Variants in NKX3-2 observed in about 807,000 individuals in gnomAD.
NKX3-2 encodes the protein homeobox protein Nkx-3.2.
NKX3-2 carries 13 observed loss-of-function variants against 19.4 expected under a neutral mutation model. The ratio of observed to expected loss-of-function variants is 0.67; its 90% CI spans 0.44 to 1.07. The LOEUF is 1.07. Among genes scored for constraint, NKX3-2 ranks in the 50% least tolerant of loss-of-function variants. The probability of loss-of-function intolerance (pLI) is 0.00; values close to 1 mark genes in which losing one functional copy is unlikely to be tolerated. For missense variants in NKX3-2, 562 were observed against 488.2 expected, an observed-to-expected ratio of 1.15 and a Z score of -1.42; for synonymous variants, 269 against 230.5, an observed-to-expected ratio of 1.17 and a Z score of -1.51.
Position 13,541,845 on chromosome 4 carries a change from A to T in NKX3-2, c.*148T>A. 5 of 1,251,084 alleles carry T rather than the reference A, an allele frequency of 4.0e-6. No homozygotes were observed. The highest frequency in any genetic ancestry group is 5.5e-6 in the Non-Finnish European group (5 of 907,556). 77.5% of individuals were successfully genotyped at this position (1,251,084 alleles called of 1,614,324 possible). A position where few individuals can be genotyped will look rare whatever the true frequency, so the allele number is the denominator to read the frequency against. On this transcript the variant is annotated 3_prime_UTR_variant, in exon 2 of 2. Coordinates refer to ENST00000382438, the MANE Select transcript of NKX3-2 (RefSeq NM_001189.4). ...GCAGACTCAGCCCAGCTGCCAGGGG[A>T]CAAGTCCTGGCTAACGGGAGCTGGA...
chr4:13,547,433 C>G (rs573023662), upstream of NKX3-2: 11 of 316,232 alleles, frequency 3.5e-5, no homozygotes, highest in African/African-American at 2.6e-4. Flanking sequence ...GCGGCCCGGC[C>G]GGGCGGCCGG....
chr4:13,545,517 GTTAA>G (rs1233774204), upstream of NKX3-2, among the ~76,000 whole-genome samples: 7 of 152,128 alleles, frequency 4.6e-5, no homozygotes, highest in East Asian at 1.9e-4. Context: ...GAAATGATCA[GTTAA>G]TTAAGATCAC....
In NKX3-2 at chr4:13,540,920, G is replaced by A. The variant is rs1717968259; in HGVS notation, c.*1073C>T. ...AAATCTTTTTACAGTTAATACTCTA[G>A]TTGAGTGCACAGTGCCATTAAGGAG... On this transcript the variant is annotated 3_prime_UTR_variant, in exon 2 of 2. Coordinates refer to ENST00000382438, the MANE Select transcript of NKX3-2 (RefSeq NM_001189.4). 1 of 152,346 alleles carries A rather than the reference G, an allele frequency of 6.6e-6. No individual in the cohort carries two copies. The highest frequency in any genetic ancestry group is 2.1e-4 in the South Asian group (1 of 4,826). 9.4% of individuals were successfully genotyped at this position (152,346 alleles called of 1,614,324 possible).
In NKX3-2 at chr4:13,543,854, C is replaced by T; in HGVS notation, c.466+95G>A. The T allele has an allele frequency of 8.7e-7, 1 of 1,148,372 alleles. No individual in the cohort carries two copies. Among genetic ancestry groups the T allele is most frequent in the Non-Finnish European group, 1.2e-6 (1 of 848,276 alleles). 71.1% of individuals were successfully genotyped at this position (1,148,372 alleles called of 1,614,324 possible). On this transcript the variant is annotated intron_variant, in intron 1 of 1. Coordinates refer to ENST00000382438, the MANE Select transcript of NKX3-2 (RefSeq NM_001189.4). The surrounding 1 kb of genome is among the most constrained non-coding windows in gnomAD (Gnocchi z 7.1). Reference sequence around the variant, plus strand: ...TTTGGCCAGCCTCCGAGCCCCAGGGCGCAGGGTGCTCAAGCCGACCACCCC... The same window carrying T: ...TTTGGCCAGCCTCCGAGCCCCAGGGTGCAGGGTGCTCAAGCCGACCACCCC...
At chr4:13,546,746 C>T (rs755260966), upstream of NKX3-2, 15 of 366,648 alleles carry the variant, frequency 4.1e-5, no homozygotes, top group Non-Finnish European at 7.1e-5. Flanking sequence ...TACGTAAAGA[C>T]TTGCTTGAAA....
In NKX3-2 at chr4:13,542,379, T is replaced by C; in HGVS notation, c.616A>G (p.Lys206Glu). The C allele has an allele frequency of 6.6e-7, 1 of 1,514,612 alleles. No homozygotes were observed. Among genetic ancestry groups the C allele is most frequent in the Non-Finnish European group, 8.8e-7 (1 of 1,136,694 alleles). The allele number at this position is 1,514,612 out of a possible 1,614,324, so 93.8% of individuals were successfully genotyped here. The change falls in exon 2 of 2, where the codon AAG (lysine) becomes GAG (glutamate). Residue 206 changes from lysine (K) to glutamate (E), a missense_variant. Physicochemically the swap from Lys to Glu is moderately conservative, Grantham distance 56 (BLOSUM62 1). Coordinates refer to ENST00000382438, the MANE Select transcript of NKX3-2 (RefSeq NM_001189.4). This position sits in a 1 kb window ranked among gnomAD's most constrained non-coding sequence, Gnocchi z 6.4. Reference sequence around the variant, plus strand: ...GAGAAAGCGGCCCGCGAGCGCTTCTTGCGTGGCTTGGGCGCCGCCGGCTCC... The same window carrying C: ...GAGAAAGCGGCCCGCGAGCGCTTCTCGCGTGGCTTGGGCGCCGCCGGCTCC... ...EEEPAAPKPR[K>E]KRSRAAFSHA...
At position 13,544,077 on chromosome 4, in the gene NKX3-2, GC is replaced by G. The variant is rs606231352; in HGVS notation, c.337del (p.Ala113ProfsTer11). On this transcript the variant is annotated frameshift_variant, in exon 1 of 2. Coordinates refer to ENST00000382438, the MANE Select transcript of NKX3-2 (RefSeq NM_001189.4). LOFTEE classifies it high-confidence loss of function. Reference protein sequence around the residue: ...SRRRCADARGASGAGLAGGSL... With the variant: ...SRRRCADARGXSGAGLAGGSL... ...TCCCCCCGCAAGGCCGGCCCCGCTG[GC>G]CCCCCGCGCGTCCGCGCAGCGCCGC... 1.3e-6 allele frequency: 2 copies of G among 1,580,116 alleles called. No homozygotes were observed. Among genetic ancestry groups the G allele is most frequent in the African/African-American group, 1.4e-5 (1 of 73,096 alleles).
Position 13,543,932 on chromosome 4 carries a change from G to T in NKX3-2, c.466+17C>A. On this transcript the variant is annotated intron_variant, in intron 1 of 1. Transcript: ENST00000382438. This position sits in a 1 kb window ranked among gnomAD's most constrained non-coding sequence, Gnocchi z 7.1. ...TCCCCTCAGCCCGGCCCCCATCCCC[G>T]CGAAGCCGCAGCAGACCTGAGACGC... 1.3e-6 allele frequency: 2 copies of T among 1,531,788 alleles called. No homozygotes were observed. 94.9% of individuals were successfully genotyped at this position (1,531,788 alleles called of 1,614,324 possible). A position where few individuals can be genotyped will look rare whatever the true frequency, so the allele number is the denominator to read the frequency against.
In NKX3-2 at chr4:13,542,423, C is replaced by T. The variant is rs1460035265; in HGVS notation, c.572G>A (p.Gly191Asp). ...CGGCTCCTCCTCCTCCTCCGCGACG[C>T]CTGCCGGCCCGCTGCCGCCCCCGCC... is the stretch of plus-strand genomic sequence containing the variant. ...AGGGGGSGPAGVAEEEEEPAA... is the reference protein window; with the variant it reads ...AGGGGGSGPADVAEEEEEPAA... Residue 191 changes from glycine to aspartate, a missense_variant, in exon 2 of 2, where the codon GGC becomes GAC. Gly to Asp is a moderately conservative substitution (Grantham distance 94). Coordinates refer to ENST00000382438, the MANE Select transcript of NKX3-2 (RefSeq NM_001189.4). This position sits in a 1 kb window ranked among gnomAD's most constrained non-coding sequence, Gnocchi z 6.4. The T allele has an allele frequency of 6.5e-7, 1 of 1,539,188 alleles. No homozygotes were observed. The highest frequency in any genetic ancestry group is 1.4e-5 in the African/African-American group (1 of 72,740).
In NKX3-2 at chr4:13,542,225, C is replaced by A; in HGVS notation, c.770G>T (p.Arg257Leu). 1 of 1,611,712 alleles carries A rather than the reference C, an allele frequency of 6.2e-7. No individual in the cohort carries two copies. The highest frequency in any genetic ancestry group is 8.5e-7 in the Non-Finnish European group (1 of 1,179,264). Reference sequence around the variant, plus strand: ...CTGCCGGCGCTTTGTCTTGTAGCGACGGTTCTGGAACCAGATTTTCACCTG... The same window carrying A: ...CTGCCGGCGCTTTGTCTTGTAGCGAAGGTTCTGGAACCAGATTTTCACCTG... ...ETQVKIWFQN[R>L]RYKTKRRQMA... is the part of the protein sequence containing the mutation. Residue 257 changes from arginine (R) to leucine (L), a missense_variant, in exon 2 of 2, where the codon CGT becomes CTT. Physicochemically the swap from Arg to Leu is moderately radical, Grantham distance 102 (BLOSUM62 -2). Transcript: ENST00000382438. This position sits in a 1 kb window ranked among gnomAD's most constrained non-coding sequence, Gnocchi z 6.4.
In NKX3-2 at chr4:13,542,382, G is replaced by T. The variant is rs757991583; in HGVS notation, c.613C>A (p.Arg205Ser). The change falls in exon 2 of 2, where the codon CGC becomes AGC. Residue 205 changes from arginine (R) to serine (S), a missense_variant. Arg to Ser is a moderately radical substitution (Grantham distance 110). Transcript: ENST00000382438. This position sits in a 1 kb window ranked among gnomAD's most constrained non-coding sequence, Gnocchi z 6.4. ...EEEEPAAPKP[R>S]KKRSRAAFSH... The stretch of plus-strand genomic sequence containing the variant: ...AAAGCGGCCCGCGAGCGCTTCTTGC[G>T]TGGCTTGGGCGCCGCCGGCTCCTCC... 6.6e-7 allele frequency: 1 copy of T among 1,512,446 alleles called. No homozygotes were observed. The highest frequency in any genetic ancestry group is 8.8e-7 in the Non-Finnish European group (1 of 1,135,986). The allele number at this position is 1,512,446 out of a possible 1,614,324, so 93.7% of individuals were successfully genotyped here.
At chr4:13,547,456 G>A (rs1718159176), upstream of NKX3-2, 2 of 309,038 alleles carry the variant, frequency 6.5e-6, no homozygotes, top group Non-Finnish European at 1.3e-5. Flanking sequence ...AGGCTTTCGA[G>A]AGGCACCGGG....
Position 13,543,807 on chromosome 4 carries a change from G to C in NKX3-2, c.466+142C>G, listed in dbSNP as rs1361284115. The C allele has an allele frequency of 1.6e-5, 12 of 757,298 alleles. No homozygotes were observed. The allele number at this position is 757,298 out of a possible 1,614,324, so 46.9% of individuals were successfully genotyped here. A position where few individuals can be genotyped will look rare whatever the true frequency, so the allele number is the denominator to read the frequency against. ...TTCCCGAAGTGATAGAGCAGCTCGC[G>C]CCAGAGCGCAGAACTTCGGGATTTG... On this transcript the variant is annotated intron_variant, in intron 1 of 1. Transcript: ENST00000382438. The surrounding 1 kb of genome is among the most constrained non-coding windows in gnomAD (Gnocchi z 7.1).
In NKX3-2 at chr4:13,542,267, A is replaced by G; in HGVS notation, c.728T>C (p.Leu243Pro). The change falls in exon 2 of 2, where the codon CTG becomes CCG. Residue 243 changes from leucine to proline, a missense_variant. By Grantham distance (98) the Leu-to-Pro change is moderately conservative (BLOSUM62 -3). Transcript: ENST00000382438. This position sits in a 1 kb window ranked among gnomAD's most constrained non-coding sequence, Gnocchi z 6.4. Reference sequence around the variant, plus strand: ...TTTCACCTGCGTCTCGGTGAGCTTCAGCGACGCGGCCAGGTCTGCGCGCTC... The same window carrying G: ...TTTCACCTGCGTCTCGGTGAGCTTCGGCGACGCGGCCAGGTCTGCGCGCTC... ...GPERADLAAS[L>P]KLTETQVKIW... The G allele has an allele frequency of 6.2e-7, 1 of 1,610,846 alleles. No individual in the cohort carries two copies. The highest frequency in any genetic ancestry group is 1.1e-5 in the South Asian group (1 of 90,656).
At chr4:13,546,485 C>A, upstream of NKX3-2, 1 of 198,246 alleles carries the variant, frequency 5.0e-6, no homozygotes, top group East Asian at 1.2e-4. Flanking sequence ...TCCTCTCCTC[C>A]CCCGCTGTAT....
In NKX3-2 at chr4:13,542,337, C is replaced by G. The variant is rs1203533803; in HGVS notation, c.658G>C (p.Glu220Gln). 5 of 1,563,640 alleles carry G rather than the reference C, an allele frequency of 3.2e-6. No homozygotes were observed. The highest frequency in any genetic ancestry group is 1.4e-5 in the African/African-American group (1 of 73,208). The change falls in exon 2 of 2, where the codon GAG becomes CAG. Residue 220 changes from glutamate to glutamine, a missense_variant. Transcript: ENST00000382438. This position sits in a 1 kb window ranked among gnomAD's most constrained non-coding sequence, Gnocchi z 6.4. ...RAAFSHAQVF[E>Q]LERRFNHQRY... The stretch of plus-strand genomic sequence containing the variant: ...TGGTGGTTAAAGCGGCGCTCCAGCT[C>G]GAAGACCTGCGCGTGGGAGAAAGCG...
At chr4:13,545,558 G>A (rs1360766348), upstream of NKX3-2, among the ~76,000 whole-genome samples, 1 of 150,892 alleles carries the variant, frequency 6.6e-6, no homozygotes, top group Non-Finnish European at 1.5e-5. Flanking sequence ...TTTCCTCGTC[G>A]TCTTTGATTT....
In NKX3-2 at chr4:13,541,123, ATT is replaced by A. The variant is rs2109003714; in HGVS notation, c.*868_*869del. On this transcript the variant is annotated 3_prime_UTR_variant, in exon 2 of 2. Transcript: ENST00000382438. ...GGAAAGGCTGGCCAGGGATATTCAC[ATT>A]GAGTAGAAAAATAATCGTCATTTGA... The A allele has an allele frequency of 6.6e-6, 1 of 152,358 alleles. No individual in the cohort carries two copies. Among genetic ancestry groups the A allele is most frequent in the African/African-American group, 2.4e-5 (1 of 41,566 alleles). The allele number at this position is 152,358 out of a possible 1,614,324, so 9.4% of individuals were successfully genotyped here. A position where few individuals can be genotyped will look rare whatever the true frequency, so the allele number is the denominator to read the frequency against.
rs763305571 is a variant in NKX3-2 at position 13,544,348 on chromosome 4, C to G, written c.67G>C (p.Glu23Gln). The stretch of plus-strand genomic sequence containing the variant: ...TCTGGCGCGGCCAGCCCGCCGCGCT[C>G]CTCTTTCTTGTTGAGGATCGCCTGG... ...SIQAILNKKE[E>Q]RGGLAAPEGR... Residue 23 changes from glutamate to glutamine, a missense_variant, in exon 1 of 2, where the codon GAG becomes CAG. Transcript: ENST00000382438. 95 of 1,541,492 alleles carry G rather than the reference C, an allele frequency of 6.2e-5. No individual in the cohort carries two copies. The highest frequency in any genetic ancestry group is 1.4e-4 in the Admixed American group (7 of 50,768).
Sources: gnomAD v4.1 joint callset for allele counts (sites outside exome capture counted in the v4.1 genomes callset) on GRCh38, gnomAD v4.1.1 for gene constraint, Gnocchi (gnomAD v3.1) non-coding constraint, MANE v1.5 for transcripts, NCBI Gene and HGNC (gene_info 2026-07-23, HGNC 2026-07-21) for gene names.